Variants in SIK2 observed in about 807,000 individuals in gnomAD.
The protein encoded by SIK2 is salt inducible kinase 2.
Under a neutral mutation model 103.2 loss-of-function variants are expected in SIK2, and 29 were observed. The observed-to-expected ratio is 0.28, with a 90% CI of 0.21 to 0.38. The LOEUF (loss-of-function observed/expected upper bound fraction) is 0.38. Among genes scored for constraint, SIK2 ranks in the 10% least tolerant of loss-of-function variants. The probability of loss-of-function intolerance (pLI) is 1.00; values close to 1 mark genes in which losing one functional copy is unlikely to be tolerated. For synonymous variants in SIK2, 412 were observed against 446.1 expected (o/e 0.92, Z 0.96); for missense variants, 879 against 1,171.0 (o/e 0.75, Z 3.64).
At chr11:111,621,971 T>C (rs371241663) in intron 3 of SIK2, among the ~76,000 whole-genome samples, 2 of 152,018 alleles carry the variant, frequency 1.3e-5, no homozygotes, top group South Asian at 2.1e-4. Flanking sequence ...CTGGCCTTTA[T>C]GTTCTTGTTG....
chr11:111,717,177 G>A (rs4936662), intron 9 of SIK2, among the ~76,000 whole-genome samples: 7 of 151,638 alleles, frequency 4.6e-5, no homozygotes, highest in African/African-American at 7.3e-5. Context: ...TTAGCCGGGC[G>A]TGGTGATGGG....
intron 3 of SIK2, among the ~76,000 whole-genome samples, chr11:111,668,348 C>A (rs1490098594): frequency 6.6e-6 from 1 of 152,144 alleles, no homozygotes; most frequent in African/African-American, 2.4e-5. Flanking sequence ...TTTAACCATT[C>A]CTCTTTTGAT....
chr11:111,604,957 A>ATT (rs11412519), intron 1 of SIK2, among the ~76,000 whole-genome samples: 1,641 of 133,924 alleles, frequency 0.012, 24 homozygotes, highest in Middle Eastern at 0.016. Flanking sequence ...GTTGCTCTGA[A>ATT]TTTTTTTTTT....
At chr11:111,640,645 G>A (rs1001447825) in intron 3 of SIK2, among the ~76,000 whole-genome samples, 5 of 147,040 alleles carry the variant, frequency 3.4e-5, no homozygotes, top group African/African-American at 1.2e-4. Flanking sequence ...AAAACACTTA[G>A]AACTATGCTA....
chr11:111,670,809 A>G (rs1942614756), intron 3 of SIK2: 1 of 152,326 alleles, frequency 6.6e-6, no homozygotes. Context: ...TACCCCAGGC[A>G]ATAAACTCCT....
rs561180559 is a variant in SIK2 at position 111,663,106 on chromosome 11, C to T, written c.317-24895C>T. Among the ~76,000 whole-genome samples the T allele has an allele frequency of 5.9e-5, 9 of 151,544 alleles. No individual in the cohort carries two copies. In the South Asian group the frequency reaches 1.7e-3, roughly 28 times the overall value. The stretch of plus-strand genomic sequence containing the variant: ...AAAATTAGCCAGGTGTGGTGGTATG[C>T]GTCTATAGTCTCAGCTACCCAGGAG... On this transcript the variant is annotated intron_variant, in intron 3 of 14. Coordinates refer to ENST00000304987, the MANE Select transcript of SIK2 (RefSeq NM_015191.3).
Position 111,634,563 on chromosome 11 carries a change from C to G in SIK2, c.316+14161C>G, listed in dbSNP as rs1233162565. Reference sequence around the variant, plus strand: ...GCTTTAATTCAGATTGCCATCATTTCTCACTTGAATCACTTCAACACCTAA... The same window carrying G: ...GCTTTAATTCAGATTGCCATCATTTGTCACTTGAATCACTTCAACACCTAA... On this transcript the variant is annotated intron_variant, in intron 3 of 14. Coordinates refer to ENST00000304987, the MANE Select transcript of SIK2 (RefSeq NM_015191.3). Among the ~76,000 whole-genome samples, 3 of 152,134 alleles carry G rather than the reference C, an allele frequency of 2.0e-5. No individual in the cohort carries two copies. In the East Asian group the frequency reaches 5.8e-4, roughly 29 times the overall value.
chr11:111,656,445 T>C (rs1245757167), intron 3 of SIK2, among the ~76,000 whole-genome samples: 1 of 152,204 alleles, frequency 6.6e-6, no homozygotes, highest in African/African-American at 2.4e-5. Flanking sequence ...GTTTTGGTTA[T>C]TATATGAATT....
chr11:111,699,446 T>C (rs1404312535), intron 4 of SIK2, among the ~76,000 whole-genome samples: 2 of 152,196 alleles, frequency 1.3e-5, no homozygotes, highest in Non-Finnish European at 2.9e-5. Flanking sequence ...TACATTCTTA[T>C]TCTCATTTAA....
rs1943834737 is a variant in SIK2, at chr11:111,722,588, A to C, written c.2056-77A>C. ...TAGAATGCAGTTAGATTCATCCTGCAGGCAGAAGCACATCTGATGACTGCA... is the reference window on the plus strand; with the variant it reads ...TAGAATGCAGTTAGATTCATCCTGCCGGCAGAAGCACATCTGATGACTGCA... On this transcript the variant is annotated intron_variant, in intron 13 of 14. Transcript: ENST00000304987. This position sits in a 1 kb window ranked among gnomAD's most constrained non-coding sequence, Gnocchi z 4.4. 4 of 1,339,744 alleles carry C rather than the reference A, an allele frequency of 3.0e-6. No homozygotes were observed. The highest frequency in any genetic ancestry group is 4.2e-6 in the Non-Finnish European group (4 of 949,134). 83.0% of individuals were successfully genotyped at this position (1,339,744 alleles called of 1,614,324 possible). A position where few individuals can be genotyped will look rare whatever the true frequency, so the allele number is the denominator to read the frequency against.
At position 111,668,308 on chromosome 11, in the gene SIK2, C is replaced by T. The variant is rs551196278; in HGVS notation, c.317-19693C>T. 1.1e-4 allele frequency among the ~76,000 whole-genome samples: 16 copies of T among 152,246 alleles called. No homozygotes were observed. The South Asian group carries it at 3.3e-3, about 32-fold the overall frequency. ...CACATTTTTGCAGCTTCATAGTATT[C>T]CATATAGTATGATTATATGCCATAA... is the stretch of plus-strand genomic sequence containing the variant. On this transcript the variant is annotated intron_variant, in intron 3 of 14. Transcript: ENST00000304987.
chr11:111,707,015 A>C (rs1238138346), intron 8 of SIK2, among the ~76,000 whole-genome samples: 1 of 152,052 alleles, frequency 6.6e-6, no homozygotes, highest in Non-Finnish European at 1.5e-5. Flanking sequence ...TAATGTGTCC[A>C]TATAGTTCCA....
At chr11:111,649,790 C>A (rs1410836262) in intron 3 of SIK2, among the ~76,000 whole-genome samples, 1 of 152,006 alleles carries the variant, frequency 6.6e-6, no homozygotes, top group Admixed American at 6.6e-5. Flanking sequence ...TGGTGGGAGT[C>A]CAGAAGGAAG....
rs983526878 is a variant in SIK2, at chr11:111,730,347, A to G, written c.*6218A>G. 6 of 152,218 alleles carry G rather than the reference A, an allele frequency of 3.9e-5. No individual in the cohort carries two copies. The highest frequency in any genetic ancestry group is 1.4e-4 in the African/African-American group (6 of 41,454). The allele number at this position is 152,218 out of a possible 1,614,324, so 9.4% of individuals were successfully genotyped here. On this transcript the variant is annotated 3_prime_UTR_variant, in exon 15 of 15. Transcript: ENST00000304987. ...ATTCAAGTGGTGAGACCTTTCCACCATGGGTGGTAAGAGAAACCTGCCTTC... is the reference window on the plus strand; with the variant it reads ...ATTCAAGTGGTGAGACCTTTCCACCGTGGGTGGTAAGAGAAACCTGCCTTC...
chr11:111,696,810 A>G lies in SIK2; in HGVS notation c.479-4076A>G, dbSNP rs1055552090. Among the ~76,000 whole-genome samples, 3 of 152,230 alleles carry G rather than the reference A, an allele frequency of 2.0e-5. No individual in the cohort carries two copies. In the East Asian group the frequency reaches 5.8e-4, roughly 29 times the overall value. ...GAAGGAATGAATGAATGTGGTTAGT[A>G]TGATGAAGCATGAGTATAGTCCATT... On this transcript the variant is annotated intron_variant, in intron 4 of 14. Transcript: ENST00000304987.
Position 111,617,214 on chromosome 11 carries a change from T to C in SIK2, c.252+855T>C, listed in dbSNP as rs141677380. ...AATTTTGTTACCTGGCTATATTGCA[T>C]AGTGGTGAAGTCTGGGCTTTTAGTG... On this transcript the variant is annotated intron_variant, in intron 2 of 14. Coordinates refer to ENST00000304987, the MANE Select transcript of SIK2 (RefSeq NM_015191.3). 3.8e-3 allele frequency among the ~76,000 whole-genome samples: 580 copies of C among 152,306 alleles called. 3 individuals are homozygous for C. Among genetic ancestry groups the C allele is most frequent in the African/African-American group, 0.013 (561 of 41,562 alleles).
intron 3 of SIK2, among the ~76,000 whole-genome samples, chr11:111,647,725 G>A (rs187528607): frequency 1.1e-4 from 16 of 151,914 alleles, no homozygotes; most frequent in African/African-American, 2.9e-4. Context: ...ATTATTAGCC[G>A]GGCGTGGTGG....
chr11:111,666,478 GAAGGTAAGT>G (rs1942543989), intron 3 of SIK2, among the ~76,000 whole-genome samples: 1 of 152,210 alleles, frequency 6.6e-6, no homozygotes, highest in Non-Finnish European at 1.5e-5. Flanking sequence ...TGTAAAAGCT[GAAGGTAAGT>G]TTAGGCTGTT....
chr11:111,604,799 A>G (rs1333101402), intron 1 of SIK2, among the ~76,000 whole-genome samples: 2 of 152,188 alleles, frequency 1.3e-5, no homozygotes, highest in Non-Finnish European at 2.9e-5. Flanking sequence ...TTATTAACAT[A>G]TAAAAAGAAA....
Sources: allele counts gnomAD v4.1 joint callset (sites outside exome capture counted in the v4.1 genomes callset), GRCh38; gene constraint gnomAD v4.1.1; non-coding constraint Gnocchi (gnomAD v3.1); transcripts MANE v1.5; gene names NCBI Gene and HGNC (gene_info 2026-07-23, HGNC 2026-07-21).